Variants in TMTC1 observed in about 807,000 individuals in gnomAD.
TMTC1 encodes the protein protein O-mannosyl-transferase TMTC1.
Under a neutral mutation model 104.8 loss-of-function variants are expected in TMTC1, and 73 were observed. The ratio of observed to expected loss-of-function variants is 0.70; its 90% CI spans 0.58 to 0.85. The LOEUF is 0.85. Among genes scored for constraint, TMTC1 ranks in the 40% least tolerant of loss-of-function variants. The probability of loss-of-function intolerance (pLI) is 0.00; values close to 1 mark genes in which losing one functional copy is unlikely to be tolerated. For synonymous variants in TMTC1, 434 were observed against 428.7 expected, an observed-to-expected ratio of 1.01 and a Z score of -0.15; for missense variants, 1,035 against 1,096.1, an observed-to-expected ratio of 0.94 and a Z score of 0.79.
Position 29,516,464 on chromosome 12 carries a change from C to A in TMTC1, c.2192G>T (p.Gly731Val), listed in dbSNP as rs1212103706. Residue 731 changes from glycine to valine, a missense_variant, in exon 15 of 18, where the codon GGT (glycine) becomes GTT (valine). Gly to Val is a moderately radical substitution (Grantham distance 109, BLOSUM62 -3). Coordinates refer to ENST00000539277, the MANE Select transcript of TMTC1 (RefSeq NM_001193451.2). ...CATCTTTTCAGCTTCTTTTGTCTGA[C>A]CCATCACGGCCAAAACCTGAGCCTA... ...LALAQVLAVM[G>V]QTKEAEKMTN... is the part of the protein sequence containing the mutation. The A allele has an allele frequency of 6.2e-7, 1 of 1,613,778 alleles. No homozygotes were observed. The highest frequency in any genetic ancestry group is 8.5e-7 in the Non-Finnish European group (1 of 1,179,824).
intron 14 of TMTC1, among the ~76,000 whole-genome samples, chr12:29,517,093 T>C (rs992972389): frequency 6.6e-6 from 1 of 152,202 alleles, no homozygotes; most frequent in Non-Finnish European, 1.5e-5. Context: ...TGCACACATA[T>C]ACATGTAGGT....
intron 5 of TMTC1, among the ~76,000 whole-genome samples, chr12:29,715,956 T>C (rs1942063878): frequency 6.6e-6 from 1 of 151,320 alleles, no homozygotes; most frequent in Non-Finnish European, 1.5e-5. Context: ...TAATTCAAGA[T>C]GAGATTTGGA....
chr12:29,765,903 T>C (rs1386285583), intron 2 of TMTC1, among the ~76,000 whole-genome samples: 1 of 152,216 alleles, frequency 6.6e-6, no homozygotes. Flanking sequence ...CACATAATGA[T>C]CTATCACCTT....
chr12:29,769,236 A>G (rs1024396883), intron 1 of TMTC1, among the ~76,000 whole-genome samples: 6 of 152,214 alleles, frequency 3.9e-5, no homozygotes, highest in African/African-American at 1.4e-4. Flanking sequence ...ATGAATGCAA[A>G]TGTCATAGTT....
intron 11 of TMTC1, chr12:29,533,527 G>A (rs1433468433): frequency 2.0e-5 from 3 of 152,162 alleles, no homozygotes; most frequent in Non-Finnish European, 4.4e-5. Flanking sequence ...GACTGAGAAA[G>A]GTGAGCTAGA....
Position 29,783,619 on chromosome 12 carries a change from G to A in TMTC1, c.133C>T (p.Leu45=), listed in dbSNP as rs760076407. 6.8e-7 allele frequency: 1 copy of A among 1,468,732 alleles called. No homozygotes were observed. The highest frequency in any genetic ancestry group is 2.3e-5 in the Admixed American group (1 of 43,690). 91.0% of individuals were successfully genotyped at this position (1,468,732 alleles called of 1,614,324 possible). Residue 45 remains leucine (L), a synonymous_variant, in exon 1 of 18, where the codon CTG becomes TTG. Coordinates refer to ENST00000539277, the MANE Select transcript of TMTC1 (RefSeq NM_001193451.2). The surrounding 1 kb of genome is among the most constrained non-coding windows in gnomAD (Gnocchi z 4.7). The stretch of plus-strand genomic sequence containing the variant: ...TCGTCGTGCACGAACTCGCCCTGCA[G>A]GGAGCGGCCGTAGCACAGGCAGCTT... ...GASCLCYGRS[L]QGEFVHDDVW... is the part of the protein sequence containing the mutation.
At chr12:29,622,051 A>G (rs1937701678) in intron 6 of TMTC1, among the ~76,000 whole-genome samples, 1 of 152,060 alleles carries the variant, frequency 6.6e-6, no homozygotes. Flanking sequence ...ACAAATAAAA[A>G]CCAAACCCCT....
intron 5 of TMTC1, among the ~76,000 whole-genome samples, chr12:29,711,281 A>G (rs950992352): frequency 6.6e-6 from 1 of 152,094 alleles, no homozygotes; most frequent in African/African-American, 2.4e-5. Context: ...ACAGGGCTAC[A>G]GTTAATGTTT....
intron 5 of TMTC1, among the ~76,000 whole-genome samples, chr12:29,743,720 G>A (rs527485502): frequency 2.0e-5 from 3 of 152,090 alleles, no homozygotes; most frequent in African/African-American, 7.2e-5. Context: ...TATATCCCCT[G>A]AGTGTTTACA....
chr12:29,604,885 C>A (rs1592308671), intron 6 of TMTC1, among the ~76,000 whole-genome samples: 1 of 152,002 alleles, frequency 6.6e-6, no homozygotes, highest in South Asian at 2.1e-4. Context: ...GTATTTACTC[C>A]ATTGATTTTT....
At chr12:29,633,505 T>C (rs933677819) in intron 5 of TMTC1, among the ~76,000 whole-genome samples, 169 bp from the exon 6 acceptor site, 2 of 152,228 alleles carry the variant, frequency 1.3e-5, no homozygotes, top group Non-Finnish European at 2.9e-5. Context: ...ATTAAATTGA[T>C]AGATTTGGGA....
intron 9 of TMTC1, among the ~76,000 whole-genome samples, chr12:29,566,622 ATTGCTGCGGTC>A: frequency 6.6e-6 from 1 of 152,266 alleles, no homozygotes; most frequent in African/African-American, 2.4e-5. Flanking sequence ...TTAGGAGCAT[ATTGCTGCGGTC>A]TAGCTGAGAG....
At position 29,503,024 on chromosome 12, in the gene TMTC1, G is replaced by A. The variant is rs551583650; in HGVS notation, c.*3822C>T. On this transcript the variant is annotated 3_prime_UTR_variant, in exon 18 of 18. Coordinates refer to ENST00000539277, the MANE Select transcript of TMTC1 (RefSeq NM_001193451.2). ...TTGCTCTGTTTCGCCTCAGAGTACA[G>A]TTATTGTGGGTCAGTTTTGATAGGA... 1 of 152,334 alleles carries A rather than the reference G, an allele frequency of 6.6e-6. No homozygotes were observed. Among genetic ancestry groups the A allele is most frequent in the Non-Finnish European group, 1.5e-5 (1 of 68,032 alleles). 9.4% of individuals were successfully genotyped at this position (152,334 alleles called of 1,614,324 possible). A position where few individuals can be genotyped will look rare whatever the true frequency, so the allele number is the denominator to read the frequency against.
intron 15 of TMTC1, among the ~76,000 whole-genome samples, chr12:29,516,016 T>C (rs1370227785): frequency 6.6e-6 from 1 of 151,508 alleles, no homozygotes; most frequent in Non-Finnish European, 1.5e-5. Flanking sequence ...ATGGTTGTTA[T>C]GAGGATTACA....
rs115165614 is a variant in TMTC1 at position 29,702,288 on chromosome 12, T to C, written c.938+49378A>G. 7.4e-3 allele frequency among the ~76,000 whole-genome samples: 1,120 copies of C among 152,342 alleles called. 14 individuals carry two copies. The highest frequency in any genetic ancestry group is 0.026 in the African/African-American group (1,071 of 41,580). On this transcript the variant is annotated intron_variant, in intron 5 of 17. Coordinates refer to ENST00000539277, the MANE Select transcript of TMTC1 (RefSeq NM_001193451.2). ...AGCAATATCCAAAAACAGGAATATA[T>C]TGTCCACTGAAAAATTTGTATTAGT...
chr12:29,634,464 A>C (rs2350533), intron 5 of TMTC1, among the ~76,000 whole-genome samples: 877 of 12,772 alleles, frequency 0.069, 7 homozygotes, highest in African/African-American at 0.087. Context: ...ACACTACTGA[A>C]AACCCCCACT....
chr12:29,747,197 T>C (rs776474717), intron 5 of TMTC1, among the ~76,000 whole-genome samples: 2 of 152,210 alleles, frequency 1.3e-5, no homozygotes, highest in African/African-American at 4.8e-5. Context: ...CATTTAGAAT[T>C]CACTGGGCTT....
intron 5 of TMTC1, among the ~76,000 whole-genome samples, chr12:29,650,837 C>T (rs1939485875): frequency 6.6e-6 from 1 of 152,130 alleles, no homozygotes; most frequent in African/African-American, 2.4e-5. Context: ...ATGAAACAGG[C>T]TTGAGGACTC....
At chr12:29,694,462 C>T (rs957683961) in intron 5 of TMTC1, among the ~76,000 whole-genome samples, 6 of 152,088 alleles carry the variant, frequency 3.9e-5, no homozygotes, top group African/African-American at 1.2e-4. Context: ...CTTATAATAC[C>T]TAATACAATG....
Sources: allele counts gnomAD v4.1 joint callset (sites outside exome capture counted in the v4.1 genomes callset), GRCh38; gene constraint gnomAD v4.1.1; non-coding constraint Gnocchi (gnomAD v3.1); transcripts MANE v1.5; gene names NCBI Gene and HGNC (gene_info 2026-07-23, HGNC 2026-07-21).